PIAS2: variants seen among roughly 807,000 people sequenced by gnomAD.
PIAS2 encodes the protein protein inhibitor of activated STAT 2.
PIAS2 carries 19 observed loss-of-function variants against 69.7 expected under a neutral mutation model. The observed-to-expected ratio is 0.27, with a 90% confidence interval of 0.19 to 0.40. PIAS2 has a LOEUF of 0.40. PIAS2 is among the 10% of genes least tolerant of loss of function. The probability of loss-of-function intolerance (pLI) is 1.00; values close to 1 mark genes in which losing one functional copy is unlikely to be tolerated. For synonymous variants in PIAS2, 261 were observed against 263.2 expected (o/e 0.99, Z 0.08); for missense variants, 624 against 757.0 (o/e 0.82, Z 2.06).
chr18:46,898,582 TAC>T (rs1037030915), intron 1 of PIAS2, among the ~76,000 whole-genome samples: 1 of 152,108 alleles, frequency 6.6e-6, no homozygotes, highest in Non-Finnish European at 1.5e-5. Flanking sequence ...GTATATCAAA[TAC>T]ATTTTCAAAT....
chr18:46,874,892 C>T (rs1281342646), intron 2 of PIAS2, among the ~76,000 whole-genome samples: 1 of 152,036 alleles, frequency 6.6e-6, no homozygotes, highest in African/African-American at 2.4e-5. Context: ...TGGGAAGGAC[C>T]CTATCTAGTG....
intron 1 of PIAS2, among the ~76,000 whole-genome samples, chr18:46,911,213 T>TC (rs1436494428): frequency 6.6e-6 from 1 of 151,372 alleles, no homozygotes; most frequent in Non-Finnish European, 1.5e-5. Flanking sequence ...TTGTTATATT[T>TC]CTTTTTTTTT....
chr18:46,827,830 C>T, intron 11 of PIAS2, 129 bp downstream of exon 11: 2 of 754,212 alleles, frequency 2.7e-6, no homozygotes, highest in Non-Finnish European at 4.1e-6. Flanking sequence ...GAAAATATTT[C>T]AACTCAACAA....
chr18:46,816,772 G>GT, intron 12 of PIAS2: 4 of 983,552 alleles, frequency 4.1e-6, no homozygotes, highest in Non-Finnish European at 4.8e-6. Flanking sequence ...CCAGCTTGCT[G>GT]TAATTTTTCA....
chr18:46,822,179 T>C (rs1364484470), intron 11 of PIAS2, among the ~76,000 whole-genome samples: 1 of 152,208 alleles, frequency 6.6e-6, no homozygotes, highest in Non-Finnish European at 1.5e-5. Flanking sequence ...AACTATTTCA[T>C]AACCTCAATT....
intron 2 of PIAS2, among the ~76,000 whole-genome samples, chr18:46,872,378 C>T (rs1397051174): frequency 6.6e-6 from 1 of 152,232 alleles, no homozygotes; most frequent in Non-Finnish European, 1.5e-5. Flanking sequence ...GATCCTCATT[C>T]TGAGCGAAAG....
At position 46,810,829 on chromosome 18, in the gene PIAS2, TG is replaced by T. The variant is rs2144685609; in HGVS notation, c.*1603del. 6.6e-6 allele frequency: 1 copy of T among 151,740 alleles called. No homozygotes were observed. The highest frequency in any genetic ancestry group is 2.1e-4 in the South Asian group (1 of 4,798). 9.4% of individuals were successfully genotyped at this position (151,740 alleles called of 1,614,324 possible). A position where few individuals can be genotyped will look rare whatever the true frequency, so the allele number is the denominator to read the frequency against. On this transcript the variant is annotated 3_prime_UTR_variant, in exon 14 of 14. Transcript: ENST00000585916. ...AGGATGTCCCTATTCTAACGGAAAT[TG>T]ATGAGTCCACACCTGGGCACTTCAG...
chr18:46,855,128 A>AAAAG (rs2047550741), intron 5 of PIAS2, among the ~76,000 whole-genome samples: 1 of 151,352 alleles, frequency 6.6e-6, no homozygotes, highest in South Asian at 2.1e-4. Context: ...AAAAAAAAAA[A>AAAAG]AAATTCCAGG....
At position 46,890,564 on chromosome 18, in the gene PIAS2, A is replaced by G. The variant is rs759579018; in HGVS notation, c.499+16T>C. ...TACTATCTTGTTCAGAAGAAACTGA[A>G]TTCTCAAACACTTACCTAAACTCGT... On this transcript the variant is annotated intron_variant, in intron 2 of 13. Coordinates refer to ENST00000585916, the MANE Select transcript of PIAS2 (RefSeq NM_004671.5). The G allele has an allele frequency of 6.7e-7, 1 of 1,502,416 alleles. No homozygotes were observed. Among genetic ancestry groups the G allele is most frequent in the Non-Finnish European group, 9.2e-7 (1 of 1,085,678 alleles). The allele number at this position is 1,502,416 out of a possible 1,614,324, so 93.1% of individuals were successfully genotyped here.
intron 2 of PIAS2, among the ~76,000 whole-genome samples, chr18:46,874,275 CAAGT>C (rs1468074457): frequency 1.3e-5 from 2 of 152,182 alleles, no homozygotes; most frequent in African/African-American, 2.4e-5. Context: ...AAAGTATCTA[CAAGT>C]AATACTGGAT....
rs1289665777 is a variant in PIAS2 at position 46,803,626 on chromosome 18, G to T, written c.*8807C>A. On this transcript the variant is annotated 3_prime_UTR_variant, in exon 14 of 14. Coordinates refer to ENST00000585916, the MANE Select transcript of PIAS2 (RefSeq NM_004671.5). ...ATCAGGTCAACTGATTTTTGTTCCA[G>T]TTCCAAAGTATTGAGTCTAATAATG... is the stretch of plus-strand genomic sequence containing the variant. 1 of 152,198 alleles carries T rather than the reference G, an allele frequency of 6.6e-6. No individual in the cohort carries two copies. Among genetic ancestry groups the T allele is most frequent in the Non-Finnish European group, 1.5e-5 (1 of 68,032 alleles). 9.4% of individuals were successfully genotyped at this position (152,198 alleles called of 1,614,324 possible).
chr18:46,886,581 T>C (rs2053222589), intron 2 of PIAS2, among the ~76,000 whole-genome samples: 1 of 152,188 alleles, frequency 6.6e-6, no homozygotes, highest in African/African-American at 2.4e-5. Flanking sequence ...ATCACACCTG[T>C]AATCCCAGCA....
intron 10 of PIAS2, among the ~76,000 whole-genome samples, chr18:46,829,503 T>C (rs915285528): frequency 7.9e-5 from 12 of 152,244 alleles, no homozygotes; most frequent in African/African-American, 2.9e-4. Flanking sequence ...TTTAGATGAA[T>C]GTTTCCTTTA....
intron 1 of PIAS2, chr18:46,915,597 G>C (rs1483348972): frequency 6.6e-6 from 1 of 152,084 alleles, no homozygotes; most frequent in Non-Finnish European, 1.5e-5. Flanking sequence ...CCAAAACAGA[G>C]AGGAAGGCAG....
chr18:46,816,107 A>C, intron 12 of PIAS2: 1 of 984,970 alleles, frequency 1.0e-6, no homozygotes, highest in Non-Finnish European at 1.2e-6. Context: ...TGTGTGACTA[A>C]ACTCTCTTTA....
chr18:46,837,469 A>C (rs756414231), intron 8 of PIAS2, among the ~76,000 whole-genome samples: 5 of 152,158 alleles, frequency 3.3e-5, no homozygotes, highest in Non-Finnish European at 5.9e-5. Flanking sequence ...ATCTATTTAT[A>C]GGCACTCTTT....
intron 1 of PIAS2, among the ~76,000 whole-genome samples, chr18:46,914,818 A>G (rs2057638284): frequency 6.6e-6 from 1 of 152,166 alleles, no homozygotes; most frequent in African/African-American, 2.4e-5. Context: ...CCAAGAAGTT[A>G]GCCAACAAAC....
At chr18:46,833,347 T>C (rs906583167) in intron 9 of PIAS2, among the ~76,000 whole-genome samples, 2 of 152,150 alleles carry the variant, frequency 1.3e-5, no homozygotes, top group Non-Finnish European at 2.9e-5. Flanking sequence ...AACTAATCTA[T>C]AGAAACAGAA....
In PIAS2 at chr18:46,820,971, T is replaced by C. The variant is rs1285459734; in HGVS notation, c.1610A>G (p.His537Arg). The C allele has an allele frequency of 3.7e-6, 6 of 1,613,036 alleles. No homozygotes were observed. The highest frequency in any genetic ancestry group is 5.1e-6 in the Non-Finnish European group (6 of 1,179,382). Residue 537 changes from histidine (H) to arginine (R), a missense_variant, in exon 12 of 14, where the codon CAC becomes CGC. Transcript: ENST00000585916. ...PSLTDYSVPFHHTPISSMSSD... is the reference protein window; with the variant it reads ...PSLTDYSVPFRHTPISSMSSD... ...TGACATGCTTGATATTGGCGTATGGTGGAATGGTACTGAGTAGTCTGTTAA... is the reference window on the plus strand; with the variant it reads ...TGACATGCTTGATATTGGCGTATGGCGGAATGGTACTGAGTAGTCTGTTAA...
Sources: allele counts gnomAD v4.1 joint callset (sites outside exome capture counted in the v4.1 genomes callset), GRCh38; gene constraint gnomAD v4.1.1; transcripts MANE v1.5; gene names NCBI Gene and HGNC (gene_info 2026-07-23, HGNC 2026-07-21).